Variants in AMBP observed in about 807,000 individuals in gnomAD.
AMBP encodes the protein protein AMBP.
Under a neutral mutation model 46.3 loss-of-function variants are expected in AMBP, and 37 were observed. The ratio of observed to expected loss-of-function variants is 0.80; its 90% CI spans 0.61 to 1.05. AMBP has a LOEUF of 1.05. AMBP is among the 50% of genes least tolerant of loss of function. The pLI is 0.00. For missense variants in AMBP, 475 were observed against 461.2 expected (o/e 1.03, Z -0.27); for synonymous variants, 174 against 175.9 (o/e 0.99, Z 0.09).
intron 7 of AMBP, among the ~76,000 whole-genome samples, 174 bp from the exon 8 acceptor site, chr9:114,061,765 A>C (rs1194479398): frequency 6.6e-6 from 1 of 152,124 alleles, no homozygotes; most frequent in Non-Finnish European, 1.5e-5. Context: ...GGTCACATAG[A>C]GCTAAGATTC....
chr9:114,076,462 G>T, intron 2 of AMBP, 136 bp downstream of exon 2: 3 of 1,269,072 alleles, frequency 2.4e-6, no homozygotes, highest in East Asian at 2.5e-5. Flanking sequence ...TGGTGGAGGA[G>T]CGTAGAGGGA....
rs776512540 is a variant in AMBP at position 114,076,687 on chromosome 9, C to T, written c.171G>A (p.Lys57=). The change falls in exon 2 of 10, where the codon AAG becomes AAA. Residue 57 remains lysine, a synonymous_variant. Coordinates refer to ENST00000265132, the MANE Select transcript of AMBP (RefSeq NM_001633.4). ...TCACTGTCATCCTGTCCATGATCTT[C>T]TTCAGCCAGGGGCAGGTGGAACCGA... ...LAIGSTCPWL[K]KIMDRMTVST... is the part of the protein sequence containing the mutation. 1 of 1,614,098 alleles carries T rather than the reference C, an allele frequency of 6.2e-7. No homozygotes were observed. Among genetic ancestry groups the T allele is most frequent in the Non-Finnish European group, 8.5e-7 (1 of 1,180,008 alleles).
chr9:114,067,099 C>A (rs543323526), intron 6 of AMBP, among the ~76,000 whole-genome samples: 2 of 152,138 alleles, frequency 1.3e-5, no homozygotes, highest in Non-Finnish European at 2.9e-5. Context: ...AGCCACCACA[C>A]CCAGCTAATT....
chr9:114,066,376 CGTGTGTGTGT>C (rs55940547), intron 6 of AMBP, among the ~76,000 whole-genome samples: 5 of 141,184 alleles, frequency 3.5e-5, no homozygotes, highest in South Asian at 2.4e-4. Context: ...TTTATGTGCA[CGTGTGTGTGT>C]GTGTGTGTGT....
intron 6 of AMBP, among the ~76,000 whole-genome samples, chr9:114,065,120 C>T (rs1455273187): frequency 6.6e-6 from 1 of 152,156 alleles, no homozygotes; most frequent in East Asian, 1.9e-4. Flanking sequence ...ATTCAGCAGT[C>T]CTTCCAAACA....
intron 5 of AMBP, among the ~76,000 whole-genome samples, chr9:114,072,370 A>C (rs1846754439): frequency 6.6e-6 from 1 of 152,234 alleles, no homozygotes; most frequent in Non-Finnish European, 1.5e-5. Flanking sequence ...GGCAGCAGCC[A>C]GTATGTTTGA....
At chr9:114,063,537 T>C (rs912729331) in intron 6 of AMBP, among the ~76,000 whole-genome samples, 1 of 152,082 alleles carries the variant, frequency 6.6e-6, no homozygotes, top group Non-Finnish European at 1.5e-5. Context: ...TGGAGAAAAA[T>C]CGTGGGACAA....
At chr9:114,062,526 G>A in intron 7 of AMBP, 151 bp downstream of exon 7, 1 of 741,918 alleles carries the variant, frequency 1.3e-6, no homozygotes, top group Non-Finnish European at 2.3e-6. Flanking sequence ...CTGGCAGAGT[G>A]CAGAGTACTT....
In AMBP at chr9:114,061,320, A is replaced by G. The variant is rs566321848; in HGVS notation, c.853+104T>C. 4.3e-4 allele frequency: 662 copies of G among 1,552,242 alleles called. 17 individuals carry two copies. The South Asian group carries it at 7.3e-3, about 17-fold the overall frequency. On this transcript the variant is annotated intron_variant, in intron 8 of 9. Transcript: ENST00000265132. Reference sequence around the variant, plus strand: ...TCAGGAAACCGCCTGGAGTTCTACCACTGGAATGCCCTCTGTTAGCTACCT... The same window carrying G: ...TCAGGAAACCGCCTGGAGTTCTACCGCTGGAATGCCCTCTGTTAGCTACCT...
rs1846780548 is a variant in AMBP, at chr9:114,074,276, CA to C, written c.338-125del. ...CATCCATCTATCCACCCATGCCTTC[CA>C]TATCTCCATTTATCAATTCATCCAT... On this transcript the variant is annotated intron_variant, in intron 3 of 9. Coordinates refer to ENST00000265132, the MANE Select transcript of AMBP (RefSeq NM_001633.4). The C allele has an allele frequency of 2.9e-5, 20 of 698,318 alleles. 1 individual carries two copies. The Admixed American group carries it at 4.4e-4, about 15-fold the overall frequency. The allele number at this position is 698,318 out of a possible 1,614,324, so 43.3% of individuals were successfully genotyped here. A position where few individuals can be genotyped will look rare whatever the true frequency, so the allele number is the denominator to read the frequency against.
chr9:114,063,433 C>A (rs553855848), intron 6 of AMBP, among the ~76,000 whole-genome samples: 9 of 152,302 alleles, frequency 5.9e-5, no homozygotes, highest in Non-Finnish European at 2.9e-5. Context: ...TCAGGGGCAA[C>A]AAAACACTGT....
chr9:114,075,033 T>A lies in AMBP; in HGVS notation c.264A>T (p.Lys88Asn). The A allele has an allele frequency of 6.2e-7, 1 of 1,613,934 alleles. No individual in the cohort carries two copies. The highest frequency in any genetic ancestry group is 8.5e-7 in the Non-Finnish European group (1 of 1,179,836). ...CTCCAGACGTCTCCTCACAGACACC[T>A]TTCCTAGAAATGAACAAATCAAAAG... ...EISMTSTRWR[K>N]GVCEETSGAY... is the part of the protein sequence containing the mutation. Residue 88 changes from lysine (K) to asparagine (N), a missense_variant, in exon 3 of 10, where the codon AAA (lysine) becomes AAT (asparagine). By Grantham distance (94) the Lys-to-Asn change is moderately conservative. Transcript: ENST00000265132.
chr9:114,069,971 TAGCATCATTTTATC>T (rs1235625840), intron 5 of AMBP: 1 of 560,556 alleles, frequency 1.8e-6, no homozygotes, highest in Non-Finnish European at 3.2e-6. Flanking sequence ...CCCACCCCAC[TAGCATCATTTTATC>T]AGCATCATGG....
chr9:114,064,368 G>A (rs1846671376), intron 6 of AMBP, among the ~76,000 whole-genome samples: 1 of 152,114 alleles, frequency 6.6e-6, no homozygotes. Context: ...ACATGGTTAT[G>A]TGATTTACTG....
At chr9:114,073,620 C>T (rs1230933481) in intron 4 of AMBP, among the ~76,000 whole-genome samples, 1 of 151,578 alleles carries the variant, frequency 6.6e-6, no homozygotes, top group Non-Finnish European at 1.5e-5. Context: ...GCCTAAGCTT[C>T]CTGAGTAGCT....
chr9:114,071,572 T>G (rs1195249516), intron 5 of AMBP, among the ~76,000 whole-genome samples: 1 of 152,218 alleles, frequency 6.6e-6, no homozygotes, highest in Non-Finnish European at 1.5e-5. Context: ...GAAGCCCCAC[T>G]TTCAAGCTGG....
chr9:114,067,830 T>C (rs970261427), intron 6 of AMBP, among the ~76,000 whole-genome samples: 13 of 151,974 alleles, frequency 8.6e-5, no homozygotes, highest in African/African-American at 3.1e-4. Context: ...TGACTGACCT[T>C]CTCAAACATG....
At chr9:114,067,401 T>C (rs1846705232) in intron 6 of AMBP, among the ~76,000 whole-genome samples, 2 of 151,990 alleles carry the variant, frequency 1.3e-5, no homozygotes, top group East Asian at 3.9e-4. Flanking sequence ...CTGAGCTGGC[T>C]AATTTAAAAC....
chr9:114,074,844 C>A, intron 3 of AMBP, 116 bp downstream of exon 3: 1 of 866,060 alleles, frequency 1.2e-6, no homozygotes, highest in Non-Finnish European at 1.9e-6. Context: ...TGGGGGAAGG[C>A]TAGATGACAT....
Sources: allele counts gnomAD v4.1 joint callset (sites outside exome capture counted in the v4.1 genomes callset), GRCh38; gene constraint gnomAD v4.1.1; transcripts MANE v1.5; gene names NCBI Gene and HGNC (gene_info 2026-07-23, HGNC 2026-07-21).